CDYL: variants seen among roughly 807,000 people sequenced by gnomAD.
CDYL encodes chromodomain Y like, also known as chromodomain Y-like protein.
Under a neutral mutation model 47.3 loss-of-function variants are expected in CDYL, and 8 were observed. That is an observed-to-expected ratio of 0.17 (90% confidence interval 0.10 to 0.31). CDYL has a LOEUF of 0.31. CDYL is among the 10% of genes least tolerant of loss of function. The probability of loss-of-function intolerance (pLI) is 1.00; values close to 1 mark genes in which losing one functional copy is unlikely to be tolerated. For missense variants in CDYL, 471 were observed against 701.4 expected (o/e 0.67, Z 3.71); for synonymous variants, 266 against 265.0 (o/e 1.00, Z -0.04).
intron 2 of CDYL, among the ~76,000 whole-genome samples, chr6:4,907,089 G>A (rs1305724100): frequency 6.6e-6 from 1 of 152,170 alleles, no homozygotes; most frequent in Non-Finnish European, 1.5e-5. Flanking sequence ...GTGGCACCTC[G>A]CCACAATCTT....
rs1762043289 is a variant in CDYL at position 4,891,596 on chromosome 6, G to A, written c.25-117G>A. On this transcript the variant is annotated intron_variant, in intron 1 of 6. Coordinates refer to ENST00000397588, the MANE Select transcript of CDYL (RefSeq NM_004824.4). ...TTACTATTTTATTGAGGTTGCAGAAGAGATCATTTTATCATCTATTGTGGT... is the reference window on the plus strand; with the variant it reads ...TTACTATTTTATTGAGGTTGCAGAAAAGATCATTTTATCATCTATTGTGGT... The A allele has an allele frequency of 7.8e-6, 6 of 766,402 alleles. No individual in the cohort carries two copies. In the South Asian group the frequency reaches 9.5e-5, roughly 12 times the overall value. The allele number at this position is 766,402 out of a possible 1,614,324, so 47.5% of individuals were successfully genotyped here.
intron 1 of CDYL, among the ~76,000 whole-genome samples, chr6:4,830,099 T>C (rs1310448172): frequency 6.6e-6 from 1 of 152,248 alleles, no homozygotes; most frequent in East Asian, 1.9e-4. Context: ...CCCCTGTCTG[T>C]ACATCTGAAT....
chr6:4,914,989 C>T (rs1207462856), intron 2 of CDYL, among the ~76,000 whole-genome samples: 1 of 152,250 alleles, frequency 6.6e-6, no homozygotes, highest in South Asian at 2.1e-4. Context: ...CCTTTATTCA[C>T]TGTGCCCTGC....
At chr6:4,897,762 ACT>A (rs1554105965) in intron 2 of CDYL, among the ~76,000 whole-genome samples, 2 of 137,112 alleles carry the variant, frequency 1.5e-5, no homozygotes, top group Non-Finnish European at 3.1e-5. Flanking sequence ...CATAAAAATA[ACT>A]ATTTTCCTAG....
intron 1 of CDYL, among the ~76,000 whole-genome samples, chr6:4,708,176 A>T (rs1757082086): frequency 7.8e-6 from 1 of 127,964 alleles, no homozygotes; most frequent in African/African-American, 4.7e-5. Context: ...ACACACACAC[A>T]CATATATATA....
rs751096219 is a variant in CDYL, at chr6:4,764,568, G to A, written c.186+29724G>A. ...CTCCCAAAGTGCTGGGATTACAGGC[G>A]TGAGCCACTGCACCCAGTCAGTTGT... On this transcript the variant is annotated intron_variant, in intron 3 of 8. Coordinates refer to the CDYL transcript ENST00000328908. Among the ~76,000 whole-genome samples, 8 of 152,276 alleles carry A rather than the reference G, an allele frequency of 5.3e-5. No homozygotes were observed. In the South Asian group the frequency reaches 6.2e-4, roughly 12 times the overall value.
chr6:4,794,884 A>C (rs1040688230), intron 1 of CDYL, among the ~76,000 whole-genome samples: 1 of 152,038 alleles, frequency 6.6e-6, no homozygotes, highest in African/African-American at 2.4e-5. Flanking sequence ...GACTTGTTAA[A>C]CTGTCTTTGT....
At chr6:4,921,545 C>G (rs1334727077) in intron 2 of CDYL, among the ~76,000 whole-genome samples, 1 of 150,260 alleles carries the variant, frequency 6.7e-6, no homozygotes, top group Non-Finnish European at 1.5e-5. Flanking sequence ...TCAGCCCCCA[C>G]TTCCTAGGCT....
chr6:4,895,893 G>T (rs1762268955), intron 2 of CDYL, among the ~76,000 whole-genome samples: 1 of 152,200 alleles, frequency 6.6e-6, no homozygotes, highest in Non-Finnish European at 1.5e-5. Context: ...ATGTGGCATT[G>T]GTTAAACCAA....
intron 1 of CDYL, among the ~76,000 whole-genome samples, chr6:4,843,455 T>C (rs1299341686): frequency 1.3e-5 from 2 of 151,454 alleles, no homozygotes; most frequent in Non-Finnish European, 2.9e-5. Flanking sequence ...AGTAACACCA[T>C]TTATTCTTAG....
intron 1 of CDYL, among the ~76,000 whole-genome samples, chr6:4,831,172 T>A (rs895865343): frequency 5.9e-5 from 9 of 152,266 alleles, no homozygotes; most frequent in African/African-American, 2.2e-4. Context: ...CCCTGAGGAA[T>A]TAATGCCTAG....
intron 1 of CDYL, among the ~76,000 whole-genome samples, chr6:4,819,947 G>A (rs1184721932): frequency 6.6e-6 from 1 of 152,206 alleles, no homozygotes; most frequent in African/African-American, 2.4e-5. Flanking sequence ...AGATACTGGT[G>A]GTGGAGTGGA....
chr6:4,932,050 A>G (rs1417496970), intron 2 of CDYL, among the ~76,000 whole-genome samples: 3 of 152,130 alleles, frequency 2.0e-5, no homozygotes, highest in Non-Finnish European at 4.4e-5. Context: ...GGAATGTGTG[A>G]CCTTTACGTA....
At chr6:4,754,279 AT>A (rs1758042178) in intron 3 of CDYL, among the ~76,000 whole-genome samples, 1 of 152,216 alleles carries the variant, frequency 6.6e-6, no homozygotes, top group African/African-American at 2.4e-5. Flanking sequence ...CTCAACTATG[AT>A]TTTTCAGAGG....
At chr6:4,889,970 C>G (rs972387003) in intron 1 of CDYL, 2 of 984,960 alleles carry the variant, frequency 2.0e-6, no homozygotes, top group South Asian at 4.7e-5. Context: ...GGATGCTGGC[C>G]CTGGGGGAAC....
intron 1 of CDYL, among the ~76,000 whole-genome samples, chr6:4,887,373 GC>G (rs2127481413): frequency 6.6e-6 from 1 of 152,132 alleles, no homozygotes; most frequent in Non-Finnish European, 1.5e-5. Context: ...TTTCAATAAT[GC>G]TTTATAGTTT....
rs539212871 is a variant in CDYL, at chr6:4,735,112, C to A, written c.186+268C>A. 1.8e-3 allele frequency among the ~76,000 whole-genome samples: 268 copies of A among 152,092 alleles called. 1 individual carries two copies. The highest frequency in any genetic ancestry group is 6.3e-3 in the African/African-American group (261 of 41,484). ...GACCAGCCTGACCAACATGGAGAAA[C>A]CCCGTCTCTACTAAAAATACAAAAT... On this transcript the variant is annotated intron_variant, in intron 3 of 8. Coordinates refer to the CDYL transcript ENST00000328908.
chr6:4,706,500 A>G (rs1441157492), intron 1 of CDYL, among the ~76,000 whole-genome samples: 2 of 152,026 alleles, frequency 1.3e-5, no homozygotes, highest in East Asian at 3.9e-4. Context: ...AGAGTTTTAA[A>G]ACTACAATTA....
At chr6:4,858,883 G>C (rs1379635848) in intron 1 of CDYL, among the ~76,000 whole-genome samples, 2 of 152,176 alleles carry the variant, frequency 1.3e-5, no homozygotes, top group Non-Finnish European at 2.9e-5. Flanking sequence ...GGAATTAAAT[G>C]AGTTAACAGA....
Sources: allele counts gnomAD v4.1 joint callset (sites outside exome capture counted in the v4.1 genomes callset), GRCh38; gene constraint gnomAD v4.1.1; transcripts MANE v1.5; gene names NCBI Gene and HGNC (gene_info 2026-07-23, HGNC 2026-07-21).